Variants in SMYD3 observed in about 807,000 individuals in gnomAD.
The protein encoded by SMYD3 is histone-lysine N-methyltransferase SMYD3.
A neutral mutation model predicts 57.7 loss-of-function variants in SMYD3; 36 were observed. That is an observed-to-expected ratio of 0.62 (90% CI 0.48 to 0.82). The LOEUF (loss-of-function observed/expected upper bound fraction) is 0.82, where lower values mean the gene tolerates loss of function less well. Ranked by LOEUF, SMYD3 falls within the 40% of genes least tolerant of loss-of-function variation. SMYD3 has a pLI of 0.00. For synonymous variants in SMYD3, 211 were observed against 195.0 expected, an observed-to-expected ratio of 1.08 and a Z score of -0.68; for missense variants, 515 against 538.8, an observed-to-expected ratio of 0.96 and a Z score of 0.44.
intron 5 of SMYD3, among the ~76,000 whole-genome samples, chr1:246,045,208 A>T (rs2059942339): frequency 6.6e-6 from 1 of 152,242 alleles, no homozygotes; most frequent in Non-Finnish European, 1.5e-5. Flanking sequence ...AGCTGGAGGC[A>T]TCATGCTACC....
chr1:245,962,481 T>C (rs1018056260), intron 5 of SMYD3, among the ~76,000 whole-genome samples: 4 of 152,180 alleles, frequency 2.6e-5, no homozygotes, highest in African/African-American at 9.7e-5. Context: ...TTGAAGACCT[T>C]GCACAGTGCC....
chr1:246,506,982 G>GCCCCCCCCCCC, intron 1 of SMYD3, 72 bp downstream of exon 1: 1 of 648,610 alleles, frequency 1.5e-6, no homozygotes, highest in Non-Finnish European at 2.2e-6. Context: ...GCTGCCGGCC[G>GCCCCCCCCCCC]CCCGACGCCC....
intron 5 of SMYD3, among the ~76,000 whole-genome samples, chr1:246,150,721 G>A (rs906712179): frequency 2.6e-5 from 4 of 152,194 alleles, no homozygotes; most frequent in East Asian, 3.9e-4. Flanking sequence ...AAGTCCAGGG[G>A]TTGGGGGGAC....
chr1:246,337,040 T>C (rs1037932093), intron 2 of SMYD3, among the ~76,000 whole-genome samples: 4 of 152,214 alleles, frequency 2.6e-5, no homozygotes, highest in East Asian at 1.9e-4. Flanking sequence ...ACAACTATAA[T>C]GGCCTTTCAT....
chr1:246,445,433 C>A (rs1370904899), intron 1 of SMYD3, among the ~76,000 whole-genome samples: 1 of 152,114 alleles, frequency 6.6e-6, no homozygotes, highest in East Asian at 1.9e-4. Flanking sequence ...TGAATGTAAC[C>A]CCAATCAGAG....
At chr1:245,929,598 C>T (rs1222724034) in intron 6 of SMYD3, among the ~76,000 whole-genome samples, 2 of 152,208 alleles carry the variant, frequency 1.3e-5, no homozygotes, top group African/African-American at 2.4e-5. Flanking sequence ...TAGCACCCAC[C>T]GTCCTCAACT....
At chr1:246,223,572 G>A (rs2063287041) in intron 5 of SMYD3, among the ~76,000 whole-genome samples, 1 of 152,066 alleles carries the variant, frequency 6.6e-6, no homozygotes, top group Non-Finnish European at 1.5e-5. Context: ...TACTGAAAAT[G>A]GAGTCAGTGT....
chr1:246,233,378 C>T (rs191114509), intron 5 of SMYD3, among the ~76,000 whole-genome samples: 1 of 116,952 alleles, frequency 8.6e-6, no homozygotes, highest in African/African-American at 3.4e-5. Context: ...ATATACCACA[C>T]AGAGGAGAAG....
intron 7 of SMYD3, among the ~76,000 whole-genome samples, chr1:245,917,229 G>A (rs978225737): frequency 1.3e-5 from 2 of 151,990 alleles, no homozygotes; most frequent in African/African-American, 2.4e-5. Flanking sequence ...ATGGAGTTTC[G>A]CCATGCTACC....
intron 10 of SMYD3, among the ~76,000 whole-genome samples, chr1:245,858,065 C>T (rs1180498322): frequency 6.6e-6 from 1 of 152,174 alleles, no homozygotes; most frequent in Non-Finnish European, 1.5e-5. Flanking sequence ...AAGGACCATT[C>T]TTACTGTCAG....
At chr1:246,226,616 C>T (rs992526225) in intron 5 of SMYD3, among the ~76,000 whole-genome samples, 1 of 152,210 alleles carries the variant, frequency 6.6e-6, no homozygotes, top group Non-Finnish European at 1.5e-5. Context: ...ATAAAGATCA[C>T]ACACATTTGA....
chr1:245,955,022 C>T (rs1351896210), intron 5 of SMYD3, among the ~76,000 whole-genome samples: 2 of 152,174 alleles, frequency 1.3e-5, no homozygotes, highest in African/African-American at 4.8e-5. Context: ...CCTGTGTTTC[C>T]CTGCACCCAA....
At chr1:245,934,678 T>C (rs1487674974) in intron 5 of SMYD3, among the ~76,000 whole-genome samples, 1 of 152,132 alleles carries the variant, frequency 6.6e-6, no homozygotes, top group Non-Finnish European at 1.5e-5. Context: ...TCTTAAATGA[T>C]GATTCGCAAA....
intron 10 of SMYD3, among the ~76,000 whole-genome samples, chr1:245,821,545 T>C (rs1423304601): frequency 7.2e-6 from 1 of 139,068 alleles, no homozygotes; most frequent in Admixed American, 7.3e-5. Flanking sequence ...AATTGACAAA[T>C]GGGATCTAAT....
At chr1:246,225,572 C>G (rs1454708906) in intron 5 of SMYD3, among the ~76,000 whole-genome samples, 1 of 152,070 alleles carries the variant, frequency 6.6e-6, no homozygotes, top group Non-Finnish European at 1.5e-5. Context: ...GGAGAGCGAG[C>G]CCGCACCAGC....
At chr1:246,154,137 T>A (rs1248959006) in intron 5 of SMYD3, among the ~76,000 whole-genome samples, 4 of 152,194 alleles carry the variant, frequency 2.6e-5, no homozygotes, top group African/African-American at 9.7e-5. Context: ...TATCCACTCA[T>A]GTGGTATTGC....
At chr1:246,020,660 G>A (rs1374134610) in intron 5 of SMYD3, among the ~76,000 whole-genome samples, 4 of 152,184 alleles carry the variant, frequency 2.6e-5, no homozygotes, top group East Asian at 3.9e-4. Context: ...ATGCTCTATC[G>A]GTGTAAACTC....
At chr1:245,849,993 C>T (rs2050880190) in intron 10 of SMYD3, among the ~76,000 whole-genome samples, 1 of 151,904 alleles carries the variant, frequency 6.6e-6, no homozygotes, top group Non-Finnish European at 1.5e-5. Context: ...GTATGGGTTT[C>T]CAGGGTCCTG....
chr1:246,077,325 T>C (rs1572986426), intron 5 of SMYD3, among the ~76,000 whole-genome samples: 1 of 152,204 alleles, frequency 6.6e-6, no homozygotes, highest in East Asian at 1.9e-4. Context: ...AAACAAGTAA[T>C]AGTACATCAA....
Sources: allele counts gnomAD v4.1 joint callset (sites outside exome capture counted in the v4.1 genomes callset), GRCh38; gene constraint gnomAD v4.1.1; transcripts MANE v1.5; gene names NCBI Gene and HGNC (gene_info 2026-07-23, HGNC 2026-07-21).